DDX59: variants seen among roughly 807,000 people sequenced by gnomAD.
The protein encoded by DDX59 is probable ATP-dependent RNA helicase DDX59.
Under a neutral mutation model 51.9 loss-of-function variants are expected in DDX59, and 30 were observed. That is an observed-to-expected ratio of 0.58 (90% confidence interval 0.43 to 0.78). The LOEUF (loss-of-function observed/expected upper bound fraction) is 0.78. Ranked by LOEUF, DDX59 falls within the 30% of genes least tolerant of loss-of-function variation. DDX59 has a pLI of 0.00. For missense variants in DDX59, 672 were observed against 730.8 expected, an observed-to-expected ratio of 0.92 and a Z score of 0.93; for synonymous variants, 255 against 253.3, an observed-to-expected ratio of 1.01 and a Z score of -0.06.
intron 3 of DDX59, among the ~76,000 whole-genome samples, chr1:200,663,525 A>G (rs1376077620): frequency 6.6e-6 from 1 of 152,238 alleles, no homozygotes; most frequent in Non-Finnish European, 1.5e-5. Flanking sequence ...GAGGAAAGAC[A>G]GGTAAATTAA....
chr1:200,644,508 C>T lies in DDX59; in HGVS notation c.1606G>A (p.Val536Ile). Residue 536 changes from valine (V) to isoleucine (I), a missense_variant, in exon 8 of 8, where the codon GTA becomes ATA. Coordinates refer to ENST00000331314, the MANE Select transcript of DDX59 (RefSeq NM_001031725.6). ...MDEYVHQIGR[V>I]GRLGQNGTAI... is the part of the protein sequence containing the mutation. ...GTTCCATTTTGACCTAATCTTCCTACTCTTCCAATCTGAAATAAAATGCAA... is the reference window on the plus strand; with the variant it reads ...GTTCCATTTTGACCTAATCTTCCTATTCTTCCAATCTGAAATAAAATGCAA... The T allele has an allele frequency of 6.4e-7, 1 of 1,568,908 alleles. No individual in the cohort carries two copies. The highest frequency in any genetic ancestry group is 8.6e-7 in the Non-Finnish European group (1 of 1,160,104).
At chr1:200,658,646 T>G (rs1448510377) in intron 4 of DDX59, among the ~76,000 whole-genome samples, 1 of 152,074 alleles carries the variant, frequency 6.6e-6, no homozygotes, top group Non-Finnish European at 1.5e-5. Context: ...CAGTGAGCTG[T>G]GTTTCCGTCA....
chr1:200,669,007 C>T (rs74885666), intron 1 of DDX59, among the ~76,000 whole-genome samples: 17,261 of 152,092 alleles, frequency 0.11, 1,447 homozygotes, highest in East Asian at 0.42. Context: ...AAGCTGTACC[C>T]CAATTTCCTT....
downstream of DDX59, among the ~76,000 whole-genome samples, chr1:200,643,499 C>G (rs552544836): frequency 4.1e-4 from 62 of 151,774 alleles, no homozygotes; most frequent in African/African-American, 8.9e-4. Flanking sequence ...AAAAATTAGC[C>G]GGGCGTGGTG....
rs143810968 is a variant in DDX59, at chr1:200,665,939, C to T, written c.802G>A (p.Glu268Lys). The T allele has an allele frequency of 1.2e-4, 189 of 1,598,394 alleles. No individual in the cohort carries two copies. The Middle Eastern group carries it at 4.0e-3, about 34-fold the overall frequency. ...TGAACTCTATTATTAACACTTACCT[C>T]GAATAAAGCTCGCATGATAACAGGA... is the stretch of plus-strand genomic sequence containing the variant. ...LLPVIMRALF[E>K]SKTPSALILT... Residue 268 changes from glutamate to lysine, a missense_variant and splice_region_variant, in exon 2 of 8, where the codon GAG becomes AAG. By Grantham distance (56) the Glu-to-Lys change is moderately conservative. Coordinates refer to ENST00000331314, the MANE Select transcript of DDX59 (RefSeq NM_001031725.6).
intron 2 of DDX59, 26 bp from the exon 3 acceptor site, chr1:200,664,112 A>T (rs926669064): frequency 3.1e-6 from 5 of 1,601,178 alleles, no homozygotes; most frequent in Non-Finnish European, 4.3e-6. Context: ...AAACAAGTTT[A>T]AAAACACCAG....
downstream of DDX59, among the ~76,000 whole-genome samples, chr1:200,642,130 T>G (rs1558109227): frequency 6.6e-6 from 1 of 152,170 alleles, no homozygotes; most frequent in Non-Finnish European, 1.5e-5. Context: ...CCCCTTAAGG[T>G]GTTTGCCATA....
chr1:200,652,776 C>T (rs1661751430), intron 4 of DDX59, among the ~76,000 whole-genome samples: 1 of 151,726 alleles, frequency 6.6e-6, no homozygotes, highest in South Asian at 2.1e-4. Context: ...TCAAGTGATC[C>T]TCCTGCCTCA....
chr1:200,644,535 G>C lies in DDX59; in HGVS notation c.1597-18C>G. 1 of 1,542,572 alleles carries C rather than the reference G, an allele frequency of 6.5e-7. No homozygotes were observed. The highest frequency in any genetic ancestry group is 2.3e-5 in the East Asian group (1 of 43,154). On this transcript the variant is annotated intron_variant, in intron 7 of 7. Coordinates refer to ENST00000331314, the MANE Select transcript of DDX59 (RefSeq NM_001031725.6). ...CTTCCAATCTGAAATAAAATGCAAA[G>C]AACATTTTCAAGATGTCCATGTAAA...
rs1444756908 is a variant in DDX59 at position 200,649,199 on chromosome 1, A to G, written c.1342T>C (p.Leu448=). Residue 448 remains leucine (L), a synonymous_variant, in exon 6 of 8, where the codon TTA becomes CTA. Coordinates refer to ENST00000331314, the MANE Select transcript of DDX59 (RefSeq NM_001031725.6). ...NDKKLFKPPV[L]VFVDCKLGAD... Reference sequence around the variant, plus strand: ...CCTAGTTTGCAGTCCACAAATACTAACACTGGAGGCTTAAAGAGTTTCTTA... The same window carrying G: ...CCTAGTTTGCAGTCCACAAATACTAGCACTGGAGGCTTAAAGAGTTTCTTA... 1 of 1,580,974 alleles carries G rather than the reference A, an allele frequency of 6.3e-7. No individual in the cohort carries two copies. The highest frequency in any genetic ancestry group is 2.3e-5 in the East Asian group (1 of 43,834).
intron 4 of DDX59, 49 bp from the exon 5 acceptor site, chr1:200,650,725 G>A: frequency 3.4e-6 from 5 of 1,464,594 alleles, no homozygotes; most frequent in East Asian, 2.4e-5. Flanking sequence ...TTAAAACCCA[G>A]AACCACCCCC....
chr1:200,641,094 G>A (rs1661035137), downstream of DDX59: 1 of 1,106,332 alleles, frequency 9.0e-7, no homozygotes, highest in Admixed American at 2.3e-5. Context: ...GTTTACTGGT[G>A]GCTGCCAGGA....
downstream of DDX59, among the ~76,000 whole-genome samples, chr1:200,643,313 C>G (rs1661104780): frequency 6.6e-6 from 1 of 151,818 alleles, no homozygotes; most frequent in Admixed American, 6.6e-5. Flanking sequence ...ACTACATATC[C>G]TGTAAATGCT....
Position 200,663,916 on chromosome 1 carries a change from T to G in DDX59, c.972+3A>C, listed in dbSNP as rs1558129235. Reference sequence around the variant, plus strand: ...AAAGACATTGTATCAAATCAGTGCTTACCTTAACATGTTGTTGCAGACGAT... The same window carrying G: ...AAAGACATTGTATCAAATCAGTGCTGACCTTAACATGTTGTTGCAGACGAT... On this transcript the variant is annotated splice_donor_region_variant and intron_variant, in intron 3 of 7. Transcript: ENST00000331314. 23 of 1,604,062 alleles carry G rather than the reference T, an allele frequency of 1.4e-5. No individual in the cohort carries two copies. Among genetic ancestry groups the G allele is most frequent in the Non-Finnish European group, 1.9e-5 (22 of 1,176,762 alleles).
chr1:200,660,535 C>T lies in DDX59; in HGVS notation c.973-1419G>A, dbSNP rs138004255. Among the ~76,000 whole-genome samples, 162 of 151,930 alleles carry T rather than the reference C, an allele frequency of 1.1e-3. 3 individuals are homozygous for T. The South Asian group carries it at 0.032, about 30-fold the overall frequency. On this transcript the variant is annotated intron_variant, in intron 3 of 7. Transcript: ENST00000331314. ...GAGGAGGGCATCGCTGTGGGCAGGGCGGTGCTGATGGCGGGAGGTAGGCTA... is the reference window on the plus strand; with the variant it reads ...GAGGAGGGCATCGCTGTGGGCAGGGTGGTGCTGATGGCGGGAGGTAGGCTA...
At position 200,666,196 on chromosome 1, in the gene DDX59, A is replaced by T; in HGVS notation, c.545T>A (p.Ile182Asn). 1 of 1,614,202 alleles carries T rather than the reference A, an allele frequency of 6.2e-7. No homozygotes were observed. Among genetic ancestry groups the T allele is most frequent in the Non-Finnish European group, 8.5e-7 (1 of 1,180,028 alleles). Residue 182 changes from isoleucine to asparagine, a missense_variant, in exon 2 of 8, where the codon ATT (isoleucine) becomes AAT (asparagine). Transcript: ENST00000331314. ...PFILNLQEDQ[I>N]ENLKQQLGIL... ...TCCCAGCTGCTGTTTAAGATTTTCA[A>T]TCTGGTCTTCCTGAAGGTTCAAAAT...
chr1:200,666,768 A>G lies in DDX59; in HGVS notation c.-11-17T>C, dbSNP rs1662792704. 3 of 1,580,422 alleles carry G rather than the reference A, an allele frequency of 1.9e-6. No individual in the cohort carries two copies. The highest frequency in any genetic ancestry group is 2.6e-6 in the Non-Finnish European group (3 of 1,162,374). ...TTCAATATTCTGTTAAGGAAATTAT[A>G]TAATGAGATTTATTGTACCATTAAT... is the stretch of plus-strand genomic sequence containing the variant. On this transcript the variant is annotated splice_polypyrimidine_tract_variant and intron_variant, in intron 1 of 7. Coordinates refer to ENST00000331314, the MANE Select transcript of DDX59 (RefSeq NM_001031725.6).
chr1:200,657,289 A>G (rs1436659881), intron 4 of DDX59, among the ~76,000 whole-genome samples: 1 of 151,726 alleles, frequency 6.6e-6, no homozygotes, highest in African/African-American at 2.4e-5. Context: ...TCTCTAGCTC[A>G]TAAGATGGGG....
chr1:200,666,446 G>C lies in DDX59; in HGVS notation c.295C>G (p.Arg99Gly). The C allele has an allele frequency of 1.2e-6, 2 of 1,614,142 alleles. No individual in the cohort carries two copies. The change falls in exon 2 of 8, where the codon CGC (arginine) becomes GGC (glycine). Residue 99 changes from arginine (R) to glycine (G), a missense_variant. Transcript: ENST00000331314. ...ATGGGTTCCCCTGGTTCTGCCCAGC[G>C]CTGTGTTTTGGAAAATGACTTAACG... ...EPVKSFSKTQ[R>G]WAEPGEPICV...
Sources: allele counts gnomAD v4.1 joint callset (sites outside exome capture counted in the v4.1 genomes callset), GRCh38; gene constraint gnomAD v4.1.1; transcripts MANE v1.5; gene names NCBI Gene and HGNC (gene_info 2026-07-23, HGNC 2026-07-21).